Variants in POLR3A observed in about 807,000 individuals in gnomAD.
The protein encoded by POLR3A is DNA-directed RNA polymerase III subunit RPC1.
A neutral mutation model predicts 152.8 loss-of-function variants in POLR3A; 112 were observed. That is an observed-to-expected ratio of 0.73 (90% confidence interval 0.63 to 0.86). POLR3A has a LOEUF of 0.86. Among genes scored for constraint, POLR3A ranks in the 40% least tolerant of loss-of-function variants. The pLI is 0.00. For missense variants in POLR3A, 1,385 were observed against 1,743.1 expected (o/e 0.79, Z 3.66); for synonymous variants, 615 against 652.1 (o/e 0.94, Z 0.87).
intron 17 of POLR3A, 65 bp from the exon 18 acceptor site, chr10:78,001,159 G>T: frequency 2.3e-6 from 2 of 866,746 alleles, no homozygotes; most frequent in Non-Finnish European, 3.9e-6. Flanking sequence ...AGTGCATGCA[G>T]ATTGGAAGGG....
intron 28 of POLR3A, among the ~76,000 whole-genome samples, chr10:77,981,868 CAAA>C (rs60259976): frequency 1.6e-5 from 1 of 63,844 alleles, no homozygotes; most frequent in African/African-American, 6.5e-5. Context: ...ACTAAAAATA[CAAA>C]AAAAAAAAAA....
intron 19 of POLR3A, among the ~76,000 whole-genome samples, chr10:77,998,095 G>A (rs1181716037): frequency 6.6e-6 from 1 of 152,110 alleles, no homozygotes; most frequent in Non-Finnish European, 1.5e-5. Context: ...AAACTGGGTA[G>A]TCATATGTAG....
At position 78,019,255 on chromosome 10, in the gene POLR3A, G is replaced by C. The variant is rs546881497; in HGVS notation, c.1196C>G (p.Ala399Gly). Residue 399 changes from alanine (A) to glycine (G), a missense_variant, in exon 9 of 31, where the codon GCA becomes GGA. Around this residue, in one of 7 missense-constraint regions of POLR3A, gnomAD observed 493 missense variants for 647.5 expected, o/e 0.76. Transcript: ENST00000372371. ...ILTFPEKVNK[A>G]NINFLRKLVQ... The stretch of plus-strand genomic sequence containing the variant: ...CAGTTTCCTCAAGAAATTGATGTTT[G>C]CTTTGTTTACCTGCAGTACAAAAAA... 6.2e-7 allele frequency: 1 copy of C among 1,613,048 alleles called. No homozygotes were observed. The highest frequency in any genetic ancestry group is 8.5e-7 in the Non-Finnish European group (1 of 1,179,242).
intron 8 of POLR3A, among the ~76,000 whole-genome samples, chr10:78,020,653 T>C (rs771193881): frequency 9.2e-5 from 14 of 151,920 alleles, no homozygotes; most frequent in Non-Finnish European, 2.1e-4. Context: ...CTGCGCATGG[T>C]GATGGGCGCC....
rs143523244 is a variant in POLR3A, at chr10:78,005,813, G to C, written c.2075-925C>G. On this transcript the variant is annotated intron_variant, in intron 15 of 30. Transcript: ENST00000372371. ...GGAATACCAGGCAGATGAAATAACT[G>C]TAAACAAGAGCACTGAGGGAAAGTC... is the stretch of plus-strand genomic sequence containing the variant. 9.2e-5 allele frequency among the ~76,000 whole-genome samples: 14 copies of C among 152,284 alleles called. No individual in the cohort carries two copies. The East Asian group carries it at 2.7e-3, about 29-fold the overall frequency.
Position 78,012,350 on chromosome 10 carries a change from G to A in POLR3A, c.1572+1300C>T, listed in dbSNP as rs1847474513. On this transcript the variant is annotated intron_variant, in intron 11 of 30. Transcript: ENST00000372371. The stretch of plus-strand genomic sequence containing the variant: ...TTGCACTCCAGCCTGGGCAACAAGA[G>A]TAAAACTCCGTCTCAAACAAACAAA... Among the ~76,000 whole-genome samples, 5 of 147,494 alleles carry A rather than the reference G, an allele frequency of 3.4e-5. No homozygotes were observed. The South Asian group carries it at 1.1e-3, about 31-fold the overall frequency.
intron 3 of POLR3A, 78 bp from the exon 4 acceptor site, chr10:78,025,220 T>C (rs1847621181): frequency 6.7e-7 from 1 of 1,500,184 alleles, no homozygotes; most frequent in Non-Finnish European, 9.3e-7. Flanking sequence ...GCCATCGCCC[T>C]GTTTTGTACC....
chr10:78,007,963 GAC>G, intron 14 of POLR3A, 97 bp from the exon 15 acceptor site: 1 of 751,318 alleles, frequency 1.3e-6, no homozygotes, highest in East Asian at 6.0e-5. Context: ...TTCCCATACT[GAC>G]ACTTAAAGCA....
rs189885016 is a variant in POLR3A at position 77,991,583 on chromosome 10, C to T, written c.2788-416G>A. ...GATTGCCAAGGCTGGAGTGCAATGG[C>T]GCCATCTCGGCTCACTGCAACCTCT... On this transcript the variant is annotated intron_variant, in intron 20 of 30. Coordinates refer to ENST00000372371, the MANE Select transcript of POLR3A (RefSeq NM_007055.4). Among the ~76,000 whole-genome samples the T allele has an allele frequency of 2.0e-4, 31 of 152,252 alleles. 1 individual carries two copies. The highest frequency in any genetic ancestry group is 7.2e-4 in the African/African-American group (30 of 41,562).
intron 1 of POLR3A, among the ~76,000 whole-genome samples, chr10:78,028,721 T>G (rs757897225): frequency 6.6e-6 from 1 of 151,990 alleles, no homozygotes; most frequent in Non-Finnish European, 1.5e-5. Context: ...CAGGCTAGTC[T>G]CAAACTCCTG....
chr10:78,011,443 A>G (rs1847465778), intron 11 of POLR3A, among the ~76,000 whole-genome samples: 1 of 152,214 alleles, frequency 6.6e-6, no homozygotes, highest in Non-Finnish European at 1.5e-5. Context: ...TAATCTTGAT[A>G]TGAAAATGCA....
chr10:78,002,904 C>T (rs1018504528), intron 16 of POLR3A, among the ~76,000 whole-genome samples: 1 of 152,182 alleles, frequency 6.6e-6, no homozygotes, highest in Admixed American at 6.5e-5. Flanking sequence ...CTACCCTACA[C>T]AACAAAATAT....
In POLR3A at chr10:78,009,967, T is replaced by C; in HGVS notation, c.1667A>G (p.Asp556Gly). ...LTGAYLLTLK[D>G]TFFDRAKACQ... is the part of the protein sequence containing the mutation. Reference sequence around the variant, plus strand: ...AGCCTTGGCTCGATCAAAGAAAGTGTCCTTGAGAGTGAGGAGATAGGCACC... The same window carrying C: ...AGCCTTGGCTCGATCAAAGAAAGTGCCCTTGAGAGTGAGGAGATAGGCACC... Residue 556 changes from aspartate (D) to glycine (G), a missense_variant, in exon 13 of 31, where the codon GAC becomes GGC. Coordinates refer to ENST00000372371, the MANE Select transcript of POLR3A (RefSeq NM_007055.4). The C allele has an allele frequency of 1.2e-6, 2 of 1,614,114 alleles. No homozygotes were observed. The highest frequency in any genetic ancestry group is 1.7e-6 in the Non-Finnish European group (2 of 1,180,000).
rs576732252 is a variant in POLR3A at position 77,996,302 on chromosome 10, A to G, written c.2617-2935T>C. Reference sequence around the variant, plus strand: ...CAAAAGCTAGCAGAAGGCAAGAAATAACTAAGATCAGAGCAGAACTGAAGG... The same window carrying G: ...CAAAAGCTAGCAGAAGGCAAGAAATGACTAAGATCAGAGCAGAACTGAAGG... On this transcript the variant is annotated intron_variant, in intron 19 of 30. Coordinates refer to ENST00000372371, the MANE Select transcript of POLR3A (RefSeq NM_007055.4). Among the ~76,000 whole-genome samples the G allele has an allele frequency of 3.3e-5, 5 of 152,344 alleles. No individual in the cohort carries two copies. In the South Asian group the frequency reaches 1.0e-3, roughly 32 times the overall value.
intron 19 of POLR3A, among the ~76,000 whole-genome samples, chr10:77,999,248 T>C (rs964481284): frequency 5.3e-5 from 8 of 152,062 alleles, no homozygotes; most frequent in Non-Finnish European, 8.8e-5. Flanking sequence ...TGTATACATA[T>C]GTAACAAACC....
intron 12 of POLR3A, among the ~76,000 whole-genome samples, 167 bp downstream of exon 12, chr10:78,010,304 G>GAA (rs3832673): frequency 0.034 from 4,585 of 133,610 alleles, 267 homozygotes; most frequent in African/African-American, 0.12. Context: ...AAAAAAAAAA[G>GAA]AAAAAAAAAA....
chr10:78,004,940 C>A, intron 15 of POLR3A, 52 bp from the exon 16 acceptor site: 1 of 1,413,358 alleles, frequency 7.1e-7, no homozygotes, highest in Non-Finnish European at 1.0e-6. Flanking sequence ...ACTCAGCAAA[C>A]CTACTAAATA....
chr10:78,011,971 A>G (rs1195153044), intron 11 of POLR3A, among the ~76,000 whole-genome samples: 1 of 152,226 alleles, frequency 6.6e-6, no homozygotes, highest in Non-Finnish European at 1.5e-5. Flanking sequence ...CAGAGTTGAC[A>G]GCAAAGTCTA....
intron 24 of POLR3A, among the ~76,000 whole-genome samples, 171 bp from the exon 25 acceptor site, chr10:77,984,469 G>A (rs970765880): frequency 1.3e-5 from 2 of 152,124 alleles, no homozygotes; most frequent in South Asian, 4.2e-4. Flanking sequence ...TCAGCCTCTG[G>A]AGTAGCTGGG....
Sources: allele counts gnomAD v4.1 joint callset (sites outside exome capture counted in the v4.1 genomes callset), GRCh38; gene constraint gnomAD v4.1.1; regional missense constraint gnomAD v4.1.1; transcripts MANE v1.5; gene names NCBI Gene and HGNC (gene_info 2026-07-23, HGNC 2026-07-21).